FRMD4A: variants seen among roughly 807,000 people sequenced by gnomAD.
The protein encoded by FRMD4A is FERM domain containing 4A, also known as FERM domain-containing protein 4A.
A neutral mutation model predicts 129.1 loss-of-function variants in FRMD4A; 29 were observed. The ratio of observed to expected loss-of-function variants is 0.22; its 90% CI spans 0.17 to 0.31. The LOEUF (loss-of-function observed/expected upper bound fraction) is 0.31. FRMD4A is among the 10% of genes least tolerant of loss of function. The pLI is 1.00. For missense variants in FRMD4A, 1,272 were observed against 1,375.8 expected (o/e 0.92, Z 1.19); for synonymous variants, 634 against 571.6 (o/e 1.11, Z -1.56).
At chr10:14,184,420 T>C (rs895425924) in intron 2 of FRMD4A, among the ~76,000 whole-genome samples, 7 of 151,840 alleles carry the variant, frequency 4.6e-5, no homozygotes, top group African/African-American at 1.7e-4. Flanking sequence ...ACCCATTTTC[T>C]ATACCCAGCT....
intron 4 of FRMD4A, among the ~76,000 whole-genome samples, chr10:13,803,626 C>T (rs2093302180): frequency 7.3e-6 from 1 of 136,362 alleles, no homozygotes; most frequent in African/African-American, 2.8e-5. Flanking sequence ...GCATGAGCTA[C>T]CATACCCAGC....
chr10:14,064,270 C>T (rs543031096), intron 2 of FRMD4A, among the ~76,000 whole-genome samples: 1 of 152,362 alleles, frequency 6.6e-6, no homozygotes, highest in East Asian at 1.9e-4. Context: ...TAACTACAGC[C>T]TTGCTGAAAG....
intron 12 of FRMD4A, among the ~76,000 whole-genome samples, chr10:13,724,889 T>A (rs1021474846): frequency 6.6e-6 from 1 of 152,120 alleles, no homozygotes; most frequent in Admixed American, 6.6e-5. Context: ...GAGACACATA[T>A]CCCCAAAGAC....
chr10:13,963,678 A>T lies in FRMD4A; in HGVS notation c.46-104766T>A, dbSNP rs190602220. 2.2e-3 allele frequency among the ~76,000 whole-genome samples: 328 copies of T among 152,348 alleles called. 3 individuals carry two copies. The highest frequency in any genetic ancestry group is 3.5e-3 in the Non-Finnish European group (235 of 68,026). On this transcript the variant is annotated intron_variant, in intron 2 of 24. Coordinates refer to ENST00000357447, the MANE Select transcript of FRMD4A (RefSeq NM_018027.5). ...ATTATTCTAGAAGTTCTGTTTCAAA[A>T]GCATATTTTCTATAAAGAAGAAAAC...
At chr10:14,077,118 A>G (rs1231071303) in intron 2 of FRMD4A, among the ~76,000 whole-genome samples, 1 of 152,184 alleles carries the variant, frequency 6.6e-6, no homozygotes, top group East Asian at 1.9e-4. Context: ...CACCTAGAGG[A>G]GTGAGGAGAC....
At position 14,235,155 on chromosome 10, in the gene FRMD4A, G is replaced by A. The variant is rs1418609406; in HGVS notation, c.45+94903C>T. 1.5e-4 allele frequency among the ~76,000 whole-genome samples: 4 copies of A among 26,666 alleles called. No homozygotes were observed. The Admixed American group carries it at 2.2e-3, about 15-fold the overall frequency. 17.5% of individuals were successfully genotyped at this position (26,666 alleles called of 152,430 possible). A position where few individuals can be genotyped will look rare whatever the true frequency, so the allele number is the denominator to read the frequency against. ...CAGGGCTTTATAGGTAACCTAAGCT[G>A]TCTTTTTTTTTTGACACGGAGTCTT... On this transcript the variant is annotated intron_variant, in intron 2 of 24. Coordinates refer to ENST00000357447, the MANE Select transcript of FRMD4A (RefSeq NM_018027.5).
At chr10:14,109,402 G>T (rs1028844869) in intron 2 of FRMD4A, among the ~76,000 whole-genome samples, 4 of 152,152 alleles carry the variant, frequency 2.6e-5, no homozygotes, top group African/African-American at 9.7e-5. Context: ...TGCAAAGAAG[G>T]AGAAGAGAGT....
chr10:13,801,708 T>C (rs2093258135), intron 4 of FRMD4A, among the ~76,000 whole-genome samples: 1 of 152,202 alleles, frequency 6.6e-6, no homozygotes. Context: ...GGAGCACTTG[T>C]TACAATGTTG....
At chr10:14,076,009 AT>A (rs1369984369) in intron 2 of FRMD4A, among the ~76,000 whole-genome samples, 1 of 152,186 alleles carries the variant, frequency 6.6e-6, no homozygotes, top group African/African-American at 2.4e-5. Flanking sequence ...AGGATGGAAC[AT>A]TGACCAGAAG....
intron 2 of FRMD4A, among the ~76,000 whole-genome samples, chr10:14,044,861 C>G (rs964365563): frequency 6.6e-6 from 1 of 152,218 alleles, no homozygotes; most frequent in Admixed American, 6.5e-5. Context: ...ATGCCTATCT[C>G]TCGTCTACCA....
rs1233049588 is a variant in FRMD4A at position 13,916,668 on chromosome 10, T to C, written c.46-57756A>G. On this transcript the variant is annotated intron_variant, in intron 2 of 24. Transcript: ENST00000357447. ...CAAATCTCTGTTTGTAGATTCAATG[T>C]ACAATGTAGAATTCAAATCTCTCTG... Among the ~76,000 whole-genome samples the C allele has an allele frequency of 3.3e-5, 5 of 152,230 alleles. No homozygotes were observed. The East Asian group carries it at 9.6e-4, about 29-fold the overall frequency.
chr10:13,767,387 C>T (rs74485859), intron 6 of FRMD4A, among the ~76,000 whole-genome samples: 2,034 of 152,196 alleles, frequency 0.013, 79 homozygotes, highest in South Asian at 0.12. Context: ...TACAGGTGTG[C>T]GTCACCATGC....
chr10:13,978,781 A>G (rs2095550870), intron 2 of FRMD4A, among the ~76,000 whole-genome samples: 1 of 152,168 alleles, frequency 6.6e-6, no homozygotes, highest in Non-Finnish European at 1.5e-5. Flanking sequence ...ATAACCTTTT[A>G]AAAATGCTTT....
chr10:14,067,803 C>T (rs143889527), intron 2 of FRMD4A, among the ~76,000 whole-genome samples: 255 of 152,216 alleles, frequency 1.7e-3, no homozygotes, highest in African/African-American at 5.7e-3. Flanking sequence ...GGTAACAGAG[C>T]GAGACTCCGT....
At chr10:14,157,728 C>T (rs78173465) in intron 2 of FRMD4A, among the ~76,000 whole-genome samples, 1,540 of 152,212 alleles carry the variant, frequency 0.01, 14 homozygotes, top group Non-Finnish European at 0.014. Context: ...GGACACAAGG[C>T]GGATTTCTAA....
chr10:14,208,873 C>T (rs1478146576), intron 2 of FRMD4A, among the ~76,000 whole-genome samples: 9 of 152,140 alleles, frequency 5.9e-5, no homozygotes, highest in African/African-American at 9.7e-5. Flanking sequence ...ACTGAAAGGC[C>T]GCTAAGTTGC....
chr10:14,240,768 T>C (rs17249884), intron 2 of FRMD4A, among the ~76,000 whole-genome samples: 13,626 of 152,268 alleles, frequency 0.089, 798 homozygotes, highest in Middle Eastern at 0.14. Flanking sequence ...TTCGGCTTCA[T>C]TCTCTTTCCT....
chr10:13,652,021 C>CAG (rs1370645459), intron 23 of FRMD4A, 47 bp from the exon 24 acceptor site: 4 of 975,446 alleles, frequency 4.1e-6, no homozygotes, highest in Non-Finnish European at 6.7e-6. Context: ...GGTCATGTTA[C>CAG]AGAGAGACAC....
chr10:13,719,927 A>C (rs1200494691), intron 12 of FRMD4A, among the ~76,000 whole-genome samples: 2 of 152,186 alleles, frequency 1.3e-5, no homozygotes, highest in Non-Finnish European at 2.9e-5. Flanking sequence ...AGATGGGAGC[A>C]ATTTTTATGC....
Sources: allele counts gnomAD v4.1 joint callset (sites outside exome capture counted in the v4.1 genomes callset), GRCh38; gene constraint gnomAD v4.1.1; transcripts MANE v1.5; gene names NCBI Gene and HGNC (gene_info 2026-07-23, HGNC 2026-07-21).